The following LPIN2 variants were observed in gnomAD, a reference collection of about 807,000 sequenced individuals.
LPIN2 encodes phosphatidate phosphatase LPIN2.
Under a neutral mutation model 111.4 loss-of-function variants are expected in LPIN2, and 55 were observed. The observed-to-expected ratio is 0.49, with a 90% CI of 0.40 to 0.62. The LOEUF is 0.62. Among genes scored for constraint, LPIN2 ranks in the 20% least tolerant of loss-of-function variants. The pLI is 0.00. For synonymous variants in LPIN2, 425 were observed against 414.0 expected (o/e 1.03, Z -0.32); for missense variants, 992 against 1,112.1 (o/e 0.89, Z 1.54).
chr18:2,996,746 G>A (rs966562123), intron 1 of LPIN2, among the ~76,000 whole-genome samples: 4 of 151,944 alleles, frequency 2.6e-5, no homozygotes, highest in African/African-American at 9.7e-5. Context: ...CAAAGTGCTG[G>A]GATTACAGGC....
Position 2,921,632 on chromosome 18 carries a change from C to A in LPIN2, c.2343G>T (p.Lys781Asn), listed in dbSNP as rs765195065. The change falls in exon 18 of 20, where the codon AAG (lysine) becomes AAT (asparagine). Residue 781 changes from lysine to asparagine, a missense_variant. By Grantham distance (94) the Lys-to-Asn change is moderately conservative. This residue lies in a region of LPIN2 where 185 missense variants were observed against 186.5 expected (regional missense o/e 0.99). Coordinates refer to ENST00000677752, the MANE Select transcript of LPIN2 (RefSeq NM_001375808.2). ...ACTCAATTTTGAACTTCTCTGGTTT[C>A]TTTTCTATCACTTCTCTAAGAAAAA... ...FSAFHREVIE[K>N]KPEKFKIECL... is the part of the protein sequence containing the mutation. 76 of 1,607,674 alleles carry A rather than the reference C, an allele frequency of 4.7e-5. No individual in the cohort carries two copies. The highest frequency in any genetic ancestry group is 6.2e-5 in the Non-Finnish European group (73 of 1,174,188).
rs1052869838 is a variant in LPIN2 at position 2,918,893 on chromosome 18, C to T, written c.*1400G>A. 2.0e-5 allele frequency: 3 copies of T among 152,196 alleles called. No individual in the cohort carries two copies. Among genetic ancestry groups the T allele is most frequent in the African/African-American group, 7.2e-5 (3 of 41,442 alleles). The allele number at this position is 152,196 out of a possible 1,614,324, so 9.4% of individuals were successfully genotyped here. A position where few individuals can be genotyped will look rare whatever the true frequency, so the allele number is the denominator to read the frequency against. On this transcript the variant is annotated 3_prime_UTR_variant, in exon 20 of 20. Coordinates refer to ENST00000677752, the MANE Select transcript of LPIN2 (RefSeq NM_001375808.2). ...TTGGCCACGAGACCACCCCGAGCGC[C>T]AAGCCTGTATCTGCAGATCCCTCTC...
intron 8 of LPIN2, among the ~76,000 whole-genome samples, chr18:2,933,275 T>A (rs2077238482): frequency 6.6e-6 from 1 of 152,200 alleles, no homozygotes; most frequent in Non-Finnish European, 1.5e-5. Flanking sequence ...GAGTAAGGTA[T>A]CATCACCTTA....
chr18:2,976,304 C>CT (rs1236178975), intron 1 of LPIN2, among the ~76,000 whole-genome samples: 1 of 152,194 alleles, frequency 6.6e-6, no homozygotes, highest in African/African-American at 2.4e-5. Flanking sequence ...GCCAGATGGA[C>CT]TACCATTGCA....
At chr18:3,006,654 G>A (rs772643501) in intron 1 of LPIN2, among the ~76,000 whole-genome samples, 19 of 152,258 alleles carry the variant, frequency 1.2e-4, no homozygotes, top group South Asian at 2.1e-4. Context: ...TGGCTAACAC[G>A]GTGAAACCCC....
intron 1 of LPIN2, among the ~76,000 whole-genome samples, chr18:3,007,163 GTTAT>G (rs1447224048): frequency 1.3e-5 from 2 of 151,752 alleles, no homozygotes; most frequent in Non-Finnish European, 2.9e-5. Context: ...TATTTAGTTA[GTTAT>G]TTATTTTTAT....
chr18:2,920,209 T>C lies in LPIN2; in HGVS notation c.*84A>G, dbSNP rs886053764. 87 of 1,570,214 alleles carry C rather than the reference T, an allele frequency of 5.5e-5. 1 individual carries two copies. The highest frequency in any genetic ancestry group is 4.9e-4 in the South Asian group (44 of 89,924). ...ACCCGTCCCCGCTGGGGAAGGCTGG[T>C]ATCTGAGGTCAGCAGAAGAGCCAGC... On this transcript the variant is annotated 3_prime_UTR_variant, in exon 20 of 20. Transcript: ENST00000677752.
intron 1 of LPIN2, among the ~76,000 whole-genome samples, chr18:3,011,454 G>GC (rs1410129631): frequency 6.6e-6 from 1 of 152,170 alleles, no homozygotes; most frequent in South Asian, 2.1e-4. Flanking sequence ...GGAGGCCGAG[G>GC]GGGGCGGATC....
Position 2,922,201 on chromosome 18 carries a change from TG to T in LPIN2, c.2175-3del. The T allele has an allele frequency of 6.2e-7, 1 of 1,613,674 alleles. No individual in the cohort carries two copies. The highest frequency in any genetic ancestry group is 1.1e-5 in the South Asian group (1 of 91,078). ...CAGTACAGAAACTTGTAGCCATTCC[TG>T]AAAGAAAACACACCCTGTTAGCCCA... On this transcript the variant is annotated splice_polypyrimidine_tract_variant and splice_region_variant and intron_variant, in intron 16 of 19. Transcript: ENST00000677752.
At chr18:2,993,153 AAAAGAAAGAAG>A (rs1172974447) in intron 1 of LPIN2, among the ~76,000 whole-genome samples, 1 of 149,306 alleles carries the variant, frequency 6.7e-6, no homozygotes, top group Non-Finnish European at 1.5e-5. Context: ...GGAGGAAGAA[AAAAGAAAGAAG>A]AAAGGAAGAA....
chr18:2,931,209 C>A (rs748557544), intron 9 of LPIN2, 47 bp downstream of exon 9: 11 of 1,592,198 alleles, frequency 6.9e-6, no homozygotes, highest in African/African-American at 4.0e-5. Context: ...CAAGTGATGA[C>A]CAGATTGCTC....
At chr18:2,922,698 G>GA (rs910583605) in intron 16 of LPIN2, among the ~76,000 whole-genome samples, 100 of 152,170 alleles carry the variant, frequency 6.6e-4, no homozygotes, top group African/African-American at 2.3e-3. Context: ...GAAAACGTGG[G>GA]AAAAAAATGG....
At position 2,955,285 on chromosome 18, in the gene LPIN2, C is replaced by T. The variant is rs1237137522; in HGVS notation, c.193-686G>A. 2.6e-5 allele frequency among the ~76,000 whole-genome samples: 4 copies of T among 152,258 alleles called. No individual in the cohort carries two copies. The East Asian group carries it at 7.7e-4, about 29-fold the overall frequency. On this transcript the variant is annotated intron_variant, in intron 2 of 19. Coordinates refer to ENST00000677752, the MANE Select transcript of LPIN2 (RefSeq NM_001375808.2). ...GCAGGCTGTACAAGCACGGCGTTGGCATCTGCTTGGTTTCTGGGGAGGACT... is the reference window on the plus strand; with the variant it reads ...GCAGGCTGTACAAGCACGGCGTTGGTATCTGCTTGGTTTCTGGGGAGGACT...
chr18:2,946,003 G>A, intron 4 of LPIN2: 1 of 1,385,098 alleles, frequency 7.2e-7, no homozygotes, highest in Non-Finnish European at 1.0e-6. Context: ...AGGTACTCCA[G>A]AATGATATAC....
chr18:2,986,337 T>TG (rs2078184909), intron 1 of LPIN2, among the ~76,000 whole-genome samples: 1 of 152,110 alleles, frequency 6.6e-6, no homozygotes, highest in Non-Finnish European at 1.5e-5. Flanking sequence ...AGATAGCTAG[T>TG]GGCTGGCAAT....
rs1341944815 is a variant in LPIN2 at position 2,922,118 on chromosome 18, A to G, written c.2256T>C (p.Asn752=). ...CCCGGGGCAAGATTGTGCCCTTGTC[A>G]TTGACCCAGTGCAGGTAGCCACGGG... ...DMTRGYLHWV[N]DKGTILPRGP... The change falls in exon 17 of 20, where the codon AAT becomes AAC. Residue 752 remains asparagine (N), a synonymous_variant. Transcript: ENST00000677752. 6.2e-7 allele frequency: 1 copy of G among 1,613,988 alleles called. No individual in the cohort carries two copies. Among genetic ancestry groups the G allele is most frequent in the Non-Finnish European group, 8.5e-7 (1 of 1,180,032 alleles).
chr18:2,962,032 A>C lies in LPIN2; in HGVS notation c.-9-1183T>G, dbSNP rs143587958. Among the ~76,000 whole-genome samples the C allele has an allele frequency of 6.5e-3, 997 of 152,302 alleles. 14 individuals are homozygous for C. Among genetic ancestry groups the C allele is most frequent in the African/African-American group, 0.022 (930 of 41,552 alleles). On this transcript the variant is annotated intron_variant, in intron 1 of 19. Coordinates refer to ENST00000677752, the MANE Select transcript of LPIN2 (RefSeq NM_001375808.2). ...TTCTGTGTTGCCAAGTGAGTCCAAAACTGAACTGGGAGAAAGAATGCTGTC... is the reference window on the plus strand; with the variant it reads ...TTCTGTGTTGCCAAGTGAGTCCAAACCTGAACTGGGAGAAAGAATGCTGTC...
intron 1 of LPIN2, among the ~76,000 whole-genome samples, chr18:2,997,544 G>A (rs1470456578): frequency 6.6e-6 from 1 of 152,214 alleles, no homozygotes; most frequent in Non-Finnish European, 1.5e-5. Context: ...TAACTCTGCA[G>A]TGTGCCACAA....
intron 1 of LPIN2, among the ~76,000 whole-genome samples, chr18:2,985,791 A>G (rs2078178579): frequency 6.6e-6 from 1 of 152,244 alleles, no homozygotes; most frequent in Non-Finnish European, 1.5e-5. Flanking sequence ...ATTTTACCAT[A>G]AAACATGAAA....
Sources: allele counts gnomAD v4.1 joint callset (sites outside exome capture counted in the v4.1 genomes callset), GRCh38; gene constraint gnomAD v4.1.1; regional missense constraint gnomAD v4.1.1; transcripts MANE v1.5; gene names NCBI Gene and HGNC (gene_info 2026-07-23, HGNC 2026-07-21).